Variants in RCN3 observed in about 807,000 individuals in gnomAD.
The protein encoded by RCN3 is reticulocalbin-3.
A neutral mutation model predicts 35.9 loss-of-function variants in RCN3; 41 were observed. The observed-to-expected ratio is 1.14, with a 90% CI of 0.89 to 1.48. The LOEUF (loss-of-function observed/expected upper bound fraction) is 1.48. Ranked by LOEUF, RCN3 falls within the 40% of genes most tolerant of loss-of-function variation. The pLI, the probability that RCN3 is intolerant of heterozygous loss-of-function variation, is 0.00. For synonymous variants in RCN3, 187 were observed against 193.4 expected (o/e 0.97, Z 0.27); for missense variants, 451 against 471.3 (o/e 0.96, Z 0.40).
At chr19:49,540,161 CTG>C (rs142600017) in intron 5 of RCN3, among the ~76,000 whole-genome samples, 2 of 151,086 alleles carry the variant, frequency 1.3e-5, no homozygotes, top group Non-Finnish European at 1.5e-5. Flanking sequence ...ATCTGTCTGT[CTG>C]TGTGTGTGTG....
intron 3 of RCN3, among the ~76,000 whole-genome samples, chr19:49,535,837 G>A (rs538507904): frequency 6.9e-6 from 1 of 144,660 alleles, no homozygotes; most frequent in South Asian, 2.1e-4. Flanking sequence ...GCGACAGAGT[G>A]AGACTCTGTC....
intron 4 of RCN3, among the ~76,000 whole-genome samples, chr19:49,538,216 G>A (rs558999301): frequency 4.0e-5 from 6 of 148,248 alleles, no homozygotes; most frequent in African/African-American, 1.0e-4. Flanking sequence ...ATGCTGGAGT[G>A]CAGTGATGCG....
intron 5 of RCN3, among the ~76,000 whole-genome samples, chr19:49,539,689 A>T (rs2080153998): frequency 6.6e-6 from 1 of 151,678 alleles, no homozygotes; most frequent in South Asian, 2.1e-4. Context: ...GCGGGCAAAA[A>T]ATTTAGTCAA....
intron 5 of RCN3, 140 bp downstream of exon 5, chr19:49,539,319 G>A: frequency 1.6e-6 from 1 of 629,096 alleles, no homozygotes; most frequent in Non-Finnish European, 2.7e-6. Flanking sequence ...CTCACTGCTT[G>A]AGTTCATTTA....
At position 49,534,099 on chromosome 19, in the gene RCN3, C is replaced by G. The variant is rs904168184; in HGVS notation, c.243-94C>G. On this transcript the variant is annotated intron_variant, in intron 2 of 6. Coordinates refer to ENST00000270645, the MANE Select transcript of RCN3 (RefSeq NM_020650.3). ...CGGACCGTGGACTGTATTTTCAGCC[C>G]CGGATCCGAAGTGTCCCAGGGGGCG... 34 of 1,240,286 alleles carry G rather than the reference C, an allele frequency of 2.7e-5. No individual in the cohort carries two copies. The African/African-American group carries it at 4.8e-4, about 18-fold the overall frequency. The allele number at this position is 1,240,286 out of a possible 1,614,324, so 76.8% of individuals were successfully genotyped here.
chr19:49,532,536 C>T (rs890820783), intron 2 of RCN3, among the ~76,000 whole-genome samples: 6 of 152,042 alleles, frequency 3.9e-5, no homozygotes, highest in East Asian at 3.9e-4. Context: ...CCACTGTGCC[C>T]GGCTACTTTT....
In RCN3 at chr19:49,534,535, A is replaced by G. The variant is rs922264485; in HGVS notation, c.445+140A>G. On this transcript the variant is annotated intron_variant, in intron 3 of 6. Coordinates refer to ENST00000270645, the MANE Select transcript of RCN3 (RefSeq NM_020650.3). ...CTCTACCCACTTTTAGGAGCCCATA[A>G]CTGTGAGATCTTCAGTTTCTCACCT... The G allele has an allele frequency of 1.3e-4, 97 of 754,472 alleles. No homozygotes were observed. The Admixed American group carries it at 1.6e-3, about 13-fold the overall frequency. 46.7% of individuals were successfully genotyped at this position (754,472 alleles called of 1,614,324 possible).
In RCN3 at chr19:49,542,692, TGC is replaced by T; in HGVS notation, c.820_821del (p.Ala274ProfsTer31). The T allele has an allele frequency of 6.3e-7, 1 of 1,597,292 alleles. No individual in the cohort carries two copies. ...AGGTGGGCCACTGGGTGCTGCCCCC[TGC>T]CCAGGACCAGCCCCTGGTGGAAGCC... ...SEVGHWVLPP[A>X]QDQPLVEANH... On this transcript the variant is annotated frameshift_variant, in exon 6 of 7. Transcript: ENST00000270645. LOFTEE classifies it high-confidence loss of function.
intron 2 of RCN3, among the ~76,000 whole-genome samples, chr19:49,530,791 C>T (rs968870059): frequency 6.6e-6 from 1 of 152,168 alleles, no homozygotes; most frequent in African/African-American, 2.4e-5. Context: ...CCACCGCACC[C>T]GGCTGGAGCT....
At position 49,534,272 on chromosome 19, in the gene RCN3, C is replaced by T; in HGVS notation, c.322C>T (p.His108Tyr). 6.8e-7 allele frequency: 1 copy of T among 1,462,040 alleles called. No individual in the cohort carries two copies. The highest frequency in any genetic ancestry group is 9.0e-7 in the Non-Finnish European group (1 of 1,109,680). 90.6% of individuals were successfully genotyped at this position (1,462,040 alleles called of 1,614,324 possible). A position where few individuals can be genotyped will look rare whatever the true frequency, so the allele number is the denominator to read the frequency against. The change falls in exon 3 of 7, where the codon CAC (histidine) becomes TAC (tyrosine). Residue 108 changes from histidine (H) to tyrosine (Y), a missense_variant. Physicochemically the swap from His to Tyr is moderately conservative, Grantham distance 83 (BLOSUM62 2). Coordinates refer to ENST00000270645, the MANE Select transcript of RCN3 (RefSeq NM_020650.3). ...SLAELRAWIAHTQQRHIRDSV... is the reference protein window; with the variant it reads ...SLAELRAWIAYTQQRHIRDSV... ...GGCCGAGCTTCGCGCGTGGATCGCGCACACGCAGCAGCGGCACATACGGGA... is the reference window on the plus strand; with the variant it reads ...GGCCGAGCTTCGCGCGTGGATCGCGTACACGCAGCAGCGGCACATACGGGA...
chr19:49,542,763 G>T lies in RCN3; in HGVS notation c.879+11G>T, dbSNP rs775910215. ...AGCGACACGGACAAGGTGCAGTGAC[G>T]GGGCCTCGGCAGGAGCGAGGAGCGG... is the stretch of plus-strand genomic sequence containing the variant. On this transcript the variant is annotated intron_variant, in intron 6 of 6. Coordinates refer to ENST00000270645, the MANE Select transcript of RCN3 (RefSeq NM_020650.3). 1.9e-6 allele frequency: 3 copies of T among 1,572,330 alleles called. No homozygotes were observed. The East Asian group carries it at 6.9e-5, about 36-fold the overall frequency.
chr19:49,529,740 T>TTTTATTTATTTA (rs57928834), intron 2 of RCN3, among the ~76,000 whole-genome samples: 55 of 151,040 alleles, frequency 3.6e-4, no homozygotes, highest in African/African-American at 1.2e-3. Context: ...GAGTTGCAAT[T>TTTTATTTATTTA]TTTATTTATT....
chr19:49,542,557 T>G lies in RCN3; in HGVS notation c.684T>G (p.Asp228Glu). The change falls in exon 6 of 7, where the codon GAT (aspartate) becomes GAG (glutamate). Residue 228 changes from aspartate (D) to glutamate (E), a missense_variant. Coordinates refer to ENST00000270645, the MANE Select transcript of RCN3 (RefSeq NM_020650.3). Reference sequence around the variant, plus strand: ...CCCCTCTGTCCCGGCCCCCAGCGGATCTGTACTCAGCCGAGCCTGGGGAGG... The same window carrying G: ...CCCCTCTGTCCCGGCCCCCAGCGGAGCTGTACTCAGCCGAGCCTGGGGAGG... Reference protein sequence around the residue: ...GYVQVEEYIADLYSAEPGEEE... With the variant: ...GYVQVEEYIAELYSAEPGEEE... 3 of 1,595,240 alleles carry G rather than the reference T, an allele frequency of 1.9e-6. No homozygotes were observed. Among genetic ancestry groups the G allele is most frequent in the Middle Eastern group, 3.3e-4 (2 of 5,980 alleles).
At chr19:49,529,451 G>A (rs1029642695) in intron 2 of RCN3, among the ~76,000 whole-genome samples, 2 of 152,190 alleles carry the variant, frequency 1.3e-5, no homozygotes, top group East Asian at 1.9e-4. Flanking sequence ...AGGCCTGAGC[G>A]CAGGGGGGCG....
Position 49,542,552 on chromosome 19 carries a change from G to C in RCN3, c.680-1G>C. On this transcript the variant is annotated splice_acceptor_variant, in intron 5 of 6. Transcript: ENST00000270645. LOFTEE classifies it high-confidence loss of function. ...CTTGTCCCCTCTGTCCCGGCCCCCA[G>C]CGGATCTGTACTCAGCCGAGCCTGG... 6.3e-7 allele frequency: 1 copy of C among 1,588,564 alleles called. No homozygotes were observed.
chr19:49,532,327 G>T (rs577249764), intron 2 of RCN3, among the ~76,000 whole-genome samples: 1 of 151,588 alleles, frequency 6.6e-6, no homozygotes. Flanking sequence ...GGATGGTCTC[G>T]ATCTCCTGAC....
chr19:49,536,805 C>T (rs186914790), intron 3 of RCN3, among the ~76,000 whole-genome samples: 7 of 151,748 alleles, frequency 4.6e-5, no homozygotes, highest in Admixed American at 2.6e-4. Flanking sequence ...GGGGTTTCGC[C>T]ATGTTGGCCA....
At position 49,537,099 on chromosome 19, in the gene RCN3, G is replaced by A. The variant is rs200804957; in HGVS notation, c.512G>A (p.Arg171His). 90 of 1,598,134 alleles carry A rather than the reference G, an allele frequency of 5.6e-5. No individual in the cohort carries two copies. Among genetic ancestry groups the A allele is most frequent in the African/African-American group, 1.2e-4 (9 of 74,034 alleles). ...AAGATGCTGGCTCGGGACGAGCGGC[G>A]TTTCCGGGTGGCCGACCAGGATGGG... Reference protein sequence around the residue: ...YKKMLARDERRFRVADQDGDS... With the variant: ...YKKMLARDERHFRVADQDGDS... Residue 171 changes from arginine to histidine, a missense_variant, in exon 4 of 7, where the codon CGT (arginine) becomes CAT (histidine). By Grantham distance (29) the Arg-to-His change is conservative (BLOSUM62 0). Coordinates refer to ENST00000270645, the MANE Select transcript of RCN3 (RefSeq NM_020650.3).
chr19:49,537,932 C>T (rs1426284592), intron 4 of RCN3, among the ~76,000 whole-genome samples: 1 of 151,952 alleles, frequency 6.6e-6, no homozygotes. Flanking sequence ...AGCCACCGTG[C>T]CTGGCCCCAA....
Sources: gnomAD v4.1 joint callset for allele counts (sites outside exome capture counted in the v4.1 genomes callset) on GRCh38, gnomAD v4.1.1 for gene constraint, MANE v1.5 for transcripts, NCBI Gene and HGNC (gene_info 2026-07-23, HGNC 2026-07-21) for gene names.